SASH1: variants seen among roughly 807,000 people sequenced by gnomAD.
SASH1 encodes SAM and SH3 domain containing 1.
SASH1 carries 44 observed loss-of-function variants against 125.2 expected under a neutral mutation model. The ratio of observed to expected loss-of-function variants is 0.35; its 90% confidence interval spans 0.28 to 0.45. The LOEUF (loss-of-function observed/expected upper bound fraction) is 0.45, where lower values mean the gene tolerates loss of function less well. SASH1 is among the 20% of genes least tolerant of loss of function. SASH1 has a pLI of 1.00. For missense variants in SASH1, 1,426 were observed against 1,614.5 expected, an observed-to-expected ratio of 0.88 and a Z score of 2.00; for synonymous variants, 639 against 649.1, an observed-to-expected ratio of 0.98 and a Z score of 0.24.
intron 8 of SASH1, among the ~76,000 whole-genome samples, chr6:148,510,396 T>C (rs1465267577): frequency 6.6e-6 from 1 of 152,202 alleles, no homozygotes; most frequent in African/African-American, 2.4e-5. Flanking sequence ...TCTGTTTAAC[T>C]CTGACCCAGG....
chr6:148,471,501 A>G lies in SASH1; in HGVS notation c.512A>G (p.Lys171Arg), dbSNP rs760858164. Residue 171 changes from lysine (K) to arginine (R), a missense_variant and splice_region_variant, in exon 6 of 20, where the codon AAA (lysine) becomes AGA (arginine). Transcript: ENST00000367467. ...AAAGGAATAATGAGACAGACTTCAA[A>G]AGGTACTGCAATGCAGCTGGCGGAC... ...NQKGIMRQTS[K>R]GEDVGYVASE... is the part of the protein sequence containing the mutation. The G allele has an allele frequency of 2.5e-6, 4 of 1,570,792 alleles. No homozygotes were observed. The Admixed American group carries it at 5.2e-5, about 21-fold the overall frequency.
intron 8 of SASH1, among the ~76,000 whole-genome samples, chr6:148,490,581 A>G (rs1779068216): frequency 6.6e-6 from 1 of 152,150 alleles, no homozygotes; most frequent in African/African-American, 2.4e-5. Context: ...CTTTTCACGT[A>G]TTATATAGTT....
At position 148,508,581 on chromosome 6, in the gene SASH1, T is replaced by A. The variant is rs1438940559; in HGVS notation, c.730-5743T>A. 3 of 1,135,126 alleles carry A rather than the reference T, an allele frequency of 2.6e-6. No homozygotes were observed. In the African/African-American group the frequency reaches 4.9e-5, roughly 18 times the overall value. 70.3% of individuals were successfully genotyped at this position (1,135,126 alleles called of 1,614,324 possible). A position where few individuals can be genotyped will look rare whatever the true frequency, so the allele number is the denominator to read the frequency against. ...AGGAGATTTGCTTAGAGCTGATGAC[T>A]TATGCCTTTCTTGCGAGTTATGCAG... On this transcript the variant is annotated intron_variant, in intron 8 of 19. Transcript: ENST00000367467.
chr6:148,479,500 G>T, intron 7 of SASH1: 1 of 168,048 alleles, frequency 6.0e-6, no homozygotes, highest in Admixed American at 5.8e-5. Context: ...CCTTAAAGTA[G>T]CCCACTTTAG....
At chr6:148,518,282 GT>G (rs1487142047) in intron 9 of SASH1, among the ~76,000 whole-genome samples, 1 of 152,274 alleles carries the variant, frequency 6.6e-6, no homozygotes, top group Admixed American at 6.5e-5. Flanking sequence ...GCTAGGCAGA[GT>G]TTTACATCTT....
At chr6:148,339,168 A>AAGT (rs1781253329), upstream of SASH1, among the ~76,000 whole-genome samples, 1 of 152,108 alleles carries the variant, frequency 6.6e-6, no homozygotes, top group Non-Finnish European at 1.5e-5. Context: ...GATAAGTAGA[A>AAGT]AGTAGCTGGG....
Position 148,326,374 on chromosome 6 carries a change from A to T in SASH1, n.74+53997A>T, listed in dbSNP as rs1382695478. Among the ~76,000 whole-genome samples, 21 of 42,730 alleles carry T rather than the reference A, an allele frequency of 4.9e-4. No homozygotes were observed. The East Asian group carries it at 5.0e-3, about 10-fold the overall frequency. The allele number at this position is 42,730 out of a possible 152,430, so 28.0% of individuals were successfully genotyped here. A position where few individuals can be genotyped will look rare whatever the true frequency, so the allele number is the denominator to read the frequency against. On this transcript the variant is annotated intron_variant and non_coding_transcript_variant, in intron 1 of 3. Transcript: ENST00000367469. ...TATATATATGCATATATATATATAT[A>T]CATTCTTTTCTTTTCTTTTCTTTTC...
intron 2 of SASH1, among the ~76,000 whole-genome samples, chr6:148,410,047 G>A (rs892237129): frequency 6.6e-6 from 1 of 150,490 alleles, no homozygotes; most frequent in Non-Finnish European, 1.5e-5. Context: ...AGGTGTGAGG[G>A]TACCTGTGCA....
chr6:148,206,140 G>A, the SASH1 span, among the ~76,000 whole-genome samples: 1 of 151,806 alleles, frequency 6.6e-6, no homozygotes, highest in African/African-American at 2.4e-5. Flanking sequence ...CTATTAAAGA[G>A]AAAATGTATT....
At chr6:148,343,266 C>T (rs758221384) in intron 1 of SASH1, 43 bp downstream of exon 1, 5 of 1,537,870 alleles carry the variant, frequency 3.3e-6, no homozygotes, top group Non-Finnish European at 4.4e-6. Context: ...GTACAGTTCG[C>T]AGCAGCCCCT....
the SASH1 span, among the ~76,000 whole-genome samples, chr6:148,236,025 G>A: frequency 6.6e-6 from 1 of 152,078 alleles, no homozygotes; most frequent in African/African-American, 2.4e-5. Context: ...TTAGGATTCA[G>A]AAAATAATGG....
chr6:148,305,641 A>AAAAAAAAAG (rs1554232122), intron 1 of SASH1, among the ~76,000 whole-genome samples: 1 of 133,130 alleles, frequency 7.5e-6, no homozygotes, highest in Non-Finnish European at 1.6e-5. Flanking sequence ...AAAAAAAAAA[A>AAAAAAAAAG]AAAGAAAGAA....
At chr6:148,447,240 A>G (rs1383054318) in intron 4 of SASH1, among the ~76,000 whole-genome samples, 5 of 152,210 alleles carry the variant, frequency 3.3e-5, no homozygotes. Flanking sequence ...GAACTATTTT[A>G]TGGTGAAAAA....
rs146874446 is a variant in SASH1 at position 148,533,870 on chromosome 6, G to A, written c.1834G>A (p.Val612Met). The A allele has an allele frequency of 2.2e-5, 35 of 1,613,958 alleles. No individual in the cohort carries two copies. The highest frequency in any genetic ancestry group is 2.7e-5 in the Non-Finnish European group (32 of 1,180,000). Residue 612 changes from valine (V) to methionine (M), a missense_variant, in exon 15 of 20, where the codon GTG (valine) becomes ATG (methionine). Transcript: ENST00000367467. The surrounding 1 kb of genome is among the most constrained non-coding windows in gnomAD (Gnocchi z 6.2). ...VGTFKFIYVD[V>M]LSEDEEKPKR... ...CACGTTCAAGTTCATCTACGTGGAC[G>A]TGCTCAGTGAAGACGAGGAGAAACC... is the stretch of plus-strand genomic sequence containing the variant.
intron 2 of SASH1, among the ~76,000 whole-genome samples, chr6:148,432,842 G>C (rs1027317250): frequency 1.3e-5 from 2 of 152,186 alleles, no homozygotes; most frequent in African/African-American, 4.8e-5. Flanking sequence ...GCCCTGGGTG[G>C]GTTTTTGAGT....
At position 148,318,698 on chromosome 6, in the gene SASH1, G is replaced by A. The variant is rs1178605376; in HGVS notation, n.74+46321G>A. On this transcript the variant is annotated intron_variant and non_coding_transcript_variant, in intron 1 of 3. Transcript: ENST00000367469. ...CTCACGAGTAGCTCGGACTACAGGC[G>A]CCGGCCACCACGCTCAGCTAATTTT... Among the ~76,000 whole-genome samples the A allele has an allele frequency of 5.5e-5, 8 of 145,926 alleles. No homozygotes were observed. The East Asian group carries it at 7.1e-4, about 13-fold the overall frequency.
chr6:148,507,691 C>T (rs1779881225), intron 8 of SASH1, among the ~76,000 whole-genome samples: 1 of 152,136 alleles, frequency 6.6e-6, no homozygotes, highest in South Asian at 2.1e-4. Context: ...GAATCCTGTC[C>T]AACTCTAAAC....
chr6:148,467,553 GC>G (rs1777905214), intron 4 of SASH1, among the ~76,000 whole-genome samples: 1 of 152,142 alleles, frequency 6.6e-6, no homozygotes, highest in Non-Finnish European at 1.5e-5. Context: ...CAAATTCGAT[GC>G]CCAGACATGT....
At chr6:148,403,444 T>TG (rs1170669363) in intron 2 of SASH1, among the ~76,000 whole-genome samples, 2 of 145,716 alleles carry the variant, frequency 1.4e-5, no homozygotes, top group African/African-American at 4.9e-5. Flanking sequence ...ATACATTCAT[T>TG]GTAAAAAAAT....
Sources: allele counts gnomAD v4.1 joint callset (sites outside exome capture counted in the v4.1 genomes callset), GRCh38; gene constraint gnomAD v4.1.1; non-coding constraint Gnocchi (gnomAD v3.1); transcripts MANE v1.5; gene names NCBI Gene and HGNC (gene_info 2026-07-23, HGNC 2026-07-21).